Variants in E2F1 observed in about 807,000 individuals in gnomAD.
The protein encoded by E2F1 is E2F transcription factor 1.
Under a neutral mutation model 36.9 loss-of-function variants are expected in E2F1, and 7 were observed. The observed-to-expected ratio is 0.19, with a 90% confidence interval of 0.11 to 0.36. The LOEUF is 0.36. E2F1 is among the 10% of genes least tolerant of loss of function. The probability of loss-of-function intolerance (pLI) is 1.00; values close to 1 mark genes in which losing one functional copy is unlikely to be tolerated. For missense variants in E2F1, 406 were observed against 573.6 expected (o/e 0.71, Z 2.99); for synonymous variants, 261 against 263.1 (o/e 0.99, Z 0.08).
rs1407744640 is a variant in E2F1 at position 33,676,333 on chromosome 20, G to C, written c.*399C>G. The C allele has an allele frequency of 6.1e-6, 1 of 164,802 alleles. No homozygotes were observed. Among genetic ancestry groups the C allele is most frequent in the Non-Finnish European group, 1.3e-5 (1 of 76,494 alleles). The allele number at this position is 164,802 out of a possible 1,614,324, so 10.2% of individuals were successfully genotyped here. A position where few individuals can be genotyped will look rare whatever the true frequency, so the allele number is the denominator to read the frequency against. On this transcript the variant is annotated 3_prime_UTR_variant, in exon 7 of 7. Coordinates refer to ENST00000343380, the MANE Select transcript of E2F1 (RefSeq NM_005225.3). Reference sequence around the variant, plus strand: ...GCCTTGTGGGACCCCCAGAGCAAAAGGGCCGAAAGTGCAGTTAGAGCCCCC... The same window carrying C: ...GCCTTGTGGGACCCCCAGAGCAAAACGGCCGAAAGTGCAGTTAGAGCCCCC...
Position 33,678,221 on chromosome 20 carries a change from G to A in E2F1, c.705C>T (p.Ser235=), listed in dbSNP as rs779549616. The A allele has an allele frequency of 2.0e-5, 32 of 1,613,084 alleles. No homozygotes were observed. Among genetic ancestry groups the A allele is most frequent in the African/African-American group, 9.3e-5 (7 of 74,918 alleles). Residue 235 remains serine (S), a synonymous_variant, in exon 4 of 7, where the codon TCC becomes TCT. Transcript: ENST00000343380. ...NICTTQLRLL[S]EDTDSQRLAY... is the part of the protein sequence containing the mutation. ...GATATCGCTGGCTGTCAGTGTCCTC[G>A]GAGAGCAGGCGCAGCTGCGTAGTAC...
rs2018066720 is a variant in E2F1, at chr20:33,686,107, G to A, written c.158C>T (p.Ala53Val). 2 of 1,074,928 alleles carry A rather than the reference G, an allele frequency of 1.9e-6. No homozygotes were observed. The highest frequency in any genetic ancestry group is 2.2e-6 in the Non-Finnish European group (2 of 889,934). The allele number at this position is 1,074,928 out of a possible 1,614,324, so 66.6% of individuals were successfully genotyped here. Reference sequence around the variant, plus strand: ...AGGGTCGCAGGGGCCGGCGGCGGGCGCCGCGGGGCCGGTGGGAGCCGGCGG... The same window carrying A: ...AGGGTCGCAGGGGCCGGCGGCGGGCACCGCGGGGCCGGTGGGAGCCGGCGG... ...SAPPAPTGPA[A>V]PAAGPCDPDL... The change falls in exon 1 of 7, where the codon GCG (alanine) becomes GTG (valine). Residue 53 changes from alanine (A) to valine (V), a missense_variant. Physicochemically the swap from Ala to Val is moderately conservative, Grantham distance 64 (BLOSUM62 0). This residue lies in a region of E2F1 where 68 missense variants were observed against 74.3 expected (regional missense o/e 0.92). Coordinates refer to ENST00000343380, the MANE Select transcript of E2F1 (RefSeq NM_005225.3).
At position 33,676,353 on chromosome 20, in the gene E2F1, G is replaced by GC. The variant is rs999573756; in HGVS notation, c.*378dup. 22 of 171,618 alleles carry GC rather than the reference G, an allele frequency of 1.3e-4. No homozygotes were observed. Among genetic ancestry groups the GC allele is most frequent in the African/African-American group, 2.4e-4 (10 of 42,164 alleles). 10.6% of individuals were successfully genotyped at this position (171,618 alleles called of 1,614,324 possible). ...CAAAAGGGCCGAAAGTGCAGTTAGA[G>GC]CCCCCCCACGCGCACACATGGACTC... On this transcript the variant is annotated 3_prime_UTR_variant, in exon 7 of 7. Transcript: ENST00000343380.
intron 1 of E2F1, among the ~76,000 whole-genome samples, chr20:33,683,240 C>A (rs2018033197): frequency 6.6e-6 from 1 of 152,086 alleles, no homozygotes; most frequent in Non-Finnish European, 1.5e-5. Flanking sequence ...CACTTGAGGT[C>A]AGGAGTTCAA....
intron 1 of E2F1, 151 bp downstream of exon 1, chr20:33,685,853 G>C: frequency 1.4e-6 from 1 of 731,514 alleles, no homozygotes; most frequent in Non-Finnish European, 1.7e-6. Flanking sequence ...GGGGCCCGGA[G>C]GCCCAACCCC....
In E2F1 at chr20:33,676,830, G is replaced by A. The variant is rs373228968; in HGVS notation, c.1216C>T (p.His406Tyr). The change falls in exon 7 of 7, where the codon CAC becomes TAC. Residue 406 changes from histidine to tyrosine, a missense_variant. This residue lies in a region of E2F1 where 163 missense variants were observed against 181.5 expected (regional missense o/e 0.90). Coordinates refer to ENST00000343380, the MANE Select transcript of E2F1 (RefSeq NM_005225.3). ...PEEFISLSPPHEALDYHFGLE... is the reference protein window; with the variant it reads ...PEEFISLSPPYEALDYHFGLE... Reference sequence around the variant, plus strand: ...CCGAAGTGGTAGTCGAGGGCCTCGTGGGGTGGGGAAAGGCTGATGAACTCC... The same window carrying A: ...CCGAAGTGGTAGTCGAGGGCCTCGTAGGGTGGGGAAAGGCTGATGAACTCC... 4 of 1,596,162 alleles carry A rather than the reference G, an allele frequency of 2.5e-6. No individual in the cohort carries two copies. The highest frequency in any genetic ancestry group is 1.6e-4 in the Middle Eastern group (1 of 6,066).
intron 1 of E2F1, among the ~76,000 whole-genome samples, chr20:33,682,521 C>T (rs1262910537): frequency 6.6e-6 from 1 of 152,220 alleles, no homozygotes; most frequent in Non-Finnish European, 1.5e-5. Flanking sequence ...CATACTCGCC[C>T]CTGGGGCCCA....
chr20:33,677,507 G>A lies in E2F1; in HGVS notation c.759C>T (p.Ser253=). Reference sequence around the variant, plus strand: ...CCATCTGCTCTGCAGGGTCTGCAATGCTACGAAGGTCCTGACACGTCACGT... The same window carrying A: ...CCATCTGCTCTGCAGGGTCTGCAATACTACGAAGGTCCTGACACGTCACGT... ...LAYVTCQDLR[S]IADPAEQMVM... Residue 253 remains serine, a synonymous_variant, in exon 5 of 7, where the codon AGC becomes AGT. Coordinates refer to ENST00000343380, the MANE Select transcript of E2F1 (RefSeq NM_005225.3). 1.2e-6 allele frequency: 2 copies of A among 1,614,090 alleles called. No homozygotes were observed. Among genetic ancestry groups the A allele is most frequent in the Non-Finnish European group, 1.7e-6 (2 of 1,180,002 alleles).
chr20:33,677,267 T>A lies in E2F1; in HGVS notation c.904A>T (p.Thr302Ser), dbSNP rs1330667209. Reference protein sequence around the residue: ...PIDVFLCPEETVGGISPGKTP... With the variant: ...PIDVFLCPEESVGGISPGKTP... ...TTCCCAGGGCTGATCCCACCTACGG[T>A]CTCCTCAGGGCACAGGAAAACATCG... Residue 302 changes from threonine to serine, a missense_variant, in exon 6 of 7, where the codon ACC becomes TCC. Physicochemically the swap from Thr to Ser is moderately conservative, Grantham distance 58 (BLOSUM62 1). Around this residue, in one of 5 missense-constraint regions of E2F1, gnomAD observed 163 missense variants for 181.5 expected, o/e 0.90. Coordinates refer to ENST00000343380, the MANE Select transcript of E2F1 (RefSeq NM_005225.3). 10 of 1,613,842 alleles carry A rather than the reference T, an allele frequency of 6.2e-6. No homozygotes were observed. The highest frequency in any genetic ancestry group is 8.5e-6 in the Non-Finnish European group (10 of 1,179,932).
chr20:33,678,259 G>A lies in E2F1; in HGVS notation c.667C>T (p.Leu223=), dbSNP rs775828609. The A allele has an allele frequency of 4.0e-5, 64 of 1,613,534 alleles. No individual in the cohort carries two copies. In the South Asian group the frequency reaches 6.9e-4, roughly 17 times the overall value. Residue 223 remains leucine (L), a synonymous_variant, in exon 4 of 7, where the codon CTG becomes TTG. Transcript: ENST00000343380. ...LQESEQQLDH[L]MNICTTQLRL... Reference sequence around the variant, plus strand: ...AGCTGCGTAGTACAGATATTCATCAGGTGGTCCAGCTGCTGCTCGCTCTCC... The same window carrying A: ...AGCTGCGTAGTACAGATATTCATCAAGTGGTCCAGCTGCTGCTCGCTCTCC...
At chr20:33,680,168 A>C (rs1008192984) in intron 2 of E2F1, among the ~76,000 whole-genome samples, 158 bp downstream of exon 2, 8 of 152,172 alleles carry the variant, frequency 5.3e-5, no homozygotes, top group African/African-American at 1.9e-4. Context: ...GCCTGGAGAA[A>C]CCAAGCCAGG....
At chr20:33,680,018 C>G in intron 2 of E2F1, 44 bp from the exon 3 acceptor site, 1 of 1,467,440 alleles carries the variant, frequency 6.8e-7, no homozygotes, top group Non-Finnish European at 9.3e-7. Context: ...TCAGCATCCA[C>G]CCCCACCTCC....
rs1448741298 is a variant in E2F1, at chr20:33,679,245, A to G, written c.572+510T>C. Among the ~76,000 whole-genome samples, 1 of 152,250 alleles carries G rather than the reference A, an allele frequency of 6.6e-6. No homozygotes were observed. The highest frequency in any genetic ancestry group is 1.5e-5 in the Non-Finnish European group (1 of 68,040). On this transcript the variant is annotated intron_variant, in intron 3 of 6. Coordinates refer to ENST00000343380, the MANE Select transcript of E2F1 (RefSeq NM_005225.3). The surrounding 1 kb of genome is among the most constrained non-coding windows in gnomAD (Gnocchi z 4.6). Reference sequence around the variant, plus strand: ...ATCTGAATGGTGGCAACCCAGATGAATAAATATATAAAGCTGCGCGGGGCG... The same window carrying G: ...ATCTGAATGGTGGCAACCCAGATGAGTAAATATATAAAGCTGCGCGGGGCG...
rs376694723 is a variant in E2F1 at position 33,679,669 on chromosome 20, G to A, written c.572+86C>T. On this transcript the variant is annotated intron_variant, in intron 3 of 6. Transcript: ENST00000343380. This position sits in a 1 kb window ranked among gnomAD's most constrained non-coding sequence, Gnocchi z 4.6. ...GTTTCCCCAGCTATAAGATGGGGAT[G>A]CAGGCAGCCACAGTGGGTATTACTA... 3.1e-4 allele frequency: 384 copies of A among 1,251,146 alleles called. 5 individuals carry two copies. The highest frequency in any genetic ancestry group is 2.8e-3 in the South Asian group (233 of 82,960). The allele number at this position is 1,251,146 out of a possible 1,614,324, so 77.5% of individuals were successfully genotyped here. A position where few individuals can be genotyped will look rare whatever the true frequency, so the allele number is the denominator to read the frequency against.
intron 1 of E2F1, among the ~76,000 whole-genome samples, chr20:33,685,699 G>C (rs1419558705): frequency 6.6e-6 from 1 of 152,216 alleles, no homozygotes; most frequent in African/African-American, 2.4e-5. Context: ...CCAAAGGCCT[G>C]GCATGCAGTA....
chr20:33,682,538 AGCAT>A (rs1016688231), intron 1 of E2F1, among the ~76,000 whole-genome samples: 2 of 152,116 alleles, frequency 1.3e-5, no homozygotes, highest in Non-Finnish European at 2.9e-5. Flanking sequence ...CCCAAACCCT[AGCAT>A]GCTTCTGCCA....
chr20:33,683,584 G>A (rs962561489), intron 1 of E2F1, among the ~76,000 whole-genome samples: 3 of 151,050 alleles, frequency 2.0e-5, no homozygotes, highest in Non-Finnish European at 4.4e-5. Context: ...ACCAGCCTGG[G>A]CAACATGGCA....
In E2F1 at chr20:33,676,800, C is replaced by T. The variant is rs1400047527; in HGVS notation, c.1246G>A (p.Glu416Lys). Reference protein sequence around the residue: ...HEALDYHFGLEEGEGIRDLFD... With the variant: ...HEALDYHFGLKEGEGIRDLFD... ...AGGTCTCTGATGCCCTCGCCCTCCT[C>T]GAGGCCGAAGTGGTAGTCGAGGGCC... The change falls in exon 7 of 7, where the codon GAG becomes AAG. Residue 416 changes from glutamate (E) to lysine (K), a missense_variant. Transcript: ENST00000343380. 7 of 1,603,232 alleles carry T rather than the reference C, an allele frequency of 4.4e-6. No individual in the cohort carries two copies. Among genetic ancestry groups the T allele is most frequent in the African/African-American group, 2.7e-5 (2 of 74,626 alleles).
In E2F1 at chr20:33,677,550, G is replaced by A; in HGVS notation, c.726-10C>T. ...CGTCACGTAGGCCAGGGTTGGCAGAGTCAAGGACCACATGACCTTTGACTT... is the reference window on the plus strand; with the variant it reads ...CGTCACGTAGGCCAGGGTTGGCAGAATCAAGGACCACATGACCTTTGACTT... On this transcript the variant is annotated splice_polypyrimidine_tract_variant and intron_variant, in intron 4 of 6. Transcript: ENST00000343380. 1 of 1,610,158 alleles carries A rather than the reference G, an allele frequency of 6.2e-7. No individual in the cohort carries two copies. Among genetic ancestry groups the A allele is most frequent in the South Asian group, 1.1e-5 (1 of 90,904 alleles).
Sources: gnomAD v4.1 joint callset for allele counts (sites outside exome capture counted in the v4.1 genomes callset) on GRCh38, gnomAD v4.1.1 for gene constraint, gnomAD v4.1.1 regional missense constraint, Gnocchi (gnomAD v3.1) non-coding constraint, MANE v1.5 for transcripts, NCBI Gene and HGNC (gene_info 2026-07-23, HGNC 2026-07-21) for gene names.